EFCAB8: variants seen among roughly 807,000 people sequenced by gnomAD.
The protein encoded by EFCAB8 is EF-hand calcium-binding domain-containing protein 8.
EFCAB8 carries 100 observed loss-of-function variants against 116.3 expected under a neutral mutation model. The ratio of observed to expected loss-of-function variants is 0.86; its 90% CI spans 0.73 to 1.02. The LOEUF (loss-of-function observed/expected upper bound fraction) is 1.02. EFCAB8 is among the 50% of genes least tolerant of loss of function. EFCAB8 has a pLI of 0.00. For missense variants in EFCAB8, 1,320 were observed against 1,416.9 expected (o/e 0.93, Z 1.10); for synonymous variants, 558 against 567.9 (o/e 0.98, Z 0.25).
intron 2 of EFCAB8, 86 bp from the exon 3 acceptor site, chr20:32,867,494 AAG>A: frequency 7.1e-7 from 1 of 1,400,426 alleles, no homozygotes; most frequent in Non-Finnish European, 9.6e-7. Context: ...TTCTTTCTCA[AAG>A]AGTCTCTCTT....
chr20:32,884,255 G>A (rs777631699), intron 5 of EFCAB8, among the ~76,000 whole-genome samples: 11 of 152,274 alleles, frequency 7.2e-5, no homozygotes, highest in Admixed American at 2.0e-4. Context: ...AGCCTGGGCC[G>A]GGTGCACCAA....
chr20:32,947,440 A>G (rs545618741), intron 23 of EFCAB8, among the ~76,000 whole-genome samples: 1 of 152,340 alleles, frequency 6.6e-6, no homozygotes, highest in South Asian at 2.1e-4. Context: ...TAAACCGACC[A>G]TATTCTGGTA....
intron 11 of EFCAB8, among the ~76,000 whole-genome samples, chr20:32,905,825 G>C (rs1329312803): frequency 6.6e-6 from 1 of 151,210 alleles, no homozygotes; most frequent in Non-Finnish European, 1.5e-5. Flanking sequence ...TATGGAATCA[G>C]TGTTCTATGA....
In EFCAB8 at chr20:32,878,804, C is replaced by G. The variant is rs1188466340; in HGVS notation, c.428C>G (p.Pro143Arg). 7 of 1,552,000 alleles carry G rather than the reference C, an allele frequency of 4.5e-6. No individual in the cohort carries two copies. The African/African-American group carries it at 6.8e-5, about 15-fold the overall frequency. ...TTCTACCTTCCCATGACGGTCGTCC[C>G]CCTGTAAGGAGCCTCTTCCTGGGCC... The part of the protein sequence containing the change: ...LHFYLPMTVV[P>R]LNHGCEVVKV... Residue 143 changes from proline (P) to arginine (R), a missense_variant, in exon 5 of 27, where the codon CCC (proline) becomes CGC (arginine). Coordinates refer to ENST00000400522, the MANE Select transcript of EFCAB8 (RefSeq NM_001143967.2).
chr20:32,960,006 G>A (rs1432516893), intron 25 of EFCAB8, 24 bp downstream of exon 25: 7 of 1,551,412 alleles, frequency 4.5e-6, no homozygotes, highest in East Asian at 2.4e-5. Context: ...GGGAGCACAG[G>A]GAGGAGTGCA....
intron 23 of EFCAB8, among the ~76,000 whole-genome samples, chr20:32,952,231 C>T (rs1988820881): frequency 6.6e-6 from 1 of 151,904 alleles, no homozygotes; most frequent in Non-Finnish European, 1.5e-5. Flanking sequence ...AGCCACTGCA[C>T]TACAGCCTGG....
At chr20:32,931,429 C>T (rs1357111738) in intron 22 of EFCAB8, 93 bp downstream of exon 22, 4 of 1,386,572 alleles carry the variant, frequency 2.9e-6, no homozygotes, top group Non-Finnish European at 3.8e-6. Flanking sequence ...AAGAGAAATA[C>T]ACTTACTAAA....
chr20:32,936,740 A>T (rs1285809093), intron 22 of EFCAB8, among the ~76,000 whole-genome samples: 1 of 152,106 alleles, frequency 6.6e-6, no homozygotes, highest in African/African-American at 2.4e-5. Flanking sequence ...GAAATCAGGG[A>T]CTGTGATGTC....
chr20:32,916,610 C>T (rs1239153990), intron 17 of EFCAB8, among the ~76,000 whole-genome samples: 2 of 152,132 alleles, frequency 1.3e-5, no homozygotes, highest in Admixed American at 1.3e-4. Flanking sequence ...TTTTGCCCTT[C>T]TGTCCTAATA....
At chr20:32,888,957 T>G (rs2146206991) in intron 6 of EFCAB8, among the ~76,000 whole-genome samples, 1 of 150,020 alleles carries the variant, frequency 6.7e-6, no homozygotes, top group African/African-American at 2.5e-5. Flanking sequence ...TTGGTTTTTT[T>G]TGTGGGGGGC....
chr20:32,948,282 A>G (rs1042707176), intron 23 of EFCAB8, among the ~76,000 whole-genome samples: 5 of 152,190 alleles, frequency 3.3e-5, no homozygotes, highest in African/African-American at 1.2e-4. Flanking sequence ...TTACACAAGA[A>G]GAAACAGATA....
intron 3 of EFCAB8, among the ~76,000 whole-genome samples, chr20:32,873,727 G>T (rs1984803494): frequency 6.6e-6 from 1 of 150,452 alleles, no homozygotes; most frequent in Non-Finnish European, 1.5e-5. Context: ...GCAGGAAGTA[G>T]CTTGAACCCA....
intron 10 of EFCAB8, among the ~76,000 whole-genome samples, chr20:32,897,969 C>T (rs1451148056): frequency 6.6e-6 from 1 of 152,192 alleles, no homozygotes; most frequent in Non-Finnish European, 1.5e-5. Flanking sequence ...ACAGAGTTGG[C>T]GCCGGAGAAT....
At chr20:32,959,560 G>A (rs946174046) in intron 24 of EFCAB8, among the ~76,000 whole-genome samples, 1 of 152,206 alleles carries the variant, frequency 6.6e-6, no homozygotes, top group African/African-American at 2.4e-5. Flanking sequence ...GGACAGAGTG[G>A]TGGGAGAGTG....
chr20:32,863,151 A>G (rs1310075430), intron 1 of EFCAB8, among the ~76,000 whole-genome samples: 1 of 152,006 alleles, frequency 6.6e-6, no homozygotes, highest in Non-Finnish European at 1.5e-5. Context: ...TCCCCCTGCC[A>G]TCCTAGAGTG....
chr20:32,953,737 G>C (rs1022635081), intron 23 of EFCAB8, among the ~76,000 whole-genome samples: 6 of 152,096 alleles, frequency 3.9e-5, no homozygotes, highest in African/African-American at 1.4e-4. Context: ...TCTTATCAGG[G>C]ATATGATTTT....
chr20:32,901,031 C>T (rs1986402582), intron 11 of EFCAB8, among the ~76,000 whole-genome samples: 1 of 152,238 alleles, frequency 6.6e-6, no homozygotes, highest in Admixed American at 6.5e-5. Flanking sequence ...AAACAGTGCA[C>T]TGTGTACATT....
intron 11 of EFCAB8, among the ~76,000 whole-genome samples, chr20:32,904,051 T>C (rs1986555948): frequency 6.6e-6 from 1 of 152,058 alleles, no homozygotes; most frequent in Non-Finnish European, 1.5e-5. Flanking sequence ...TGTCGTTCTG[T>C]TGCCCAGGCT....
At chr20:32,935,742 G>A (rs148164305) in intron 22 of EFCAB8, among the ~76,000 whole-genome samples, 11,963 of 152,054 alleles carry the variant, frequency 0.079, 613 homozygotes, top group East Asian at 0.14. Context: ...CTGACCTCAG[G>A]TGATCTGCCC....
Sources: allele counts gnomAD v4.1 joint callset (sites outside exome capture counted in the v4.1 genomes callset), GRCh38; gene constraint gnomAD v4.1.1; transcripts MANE v1.5; gene names NCBI Gene and HGNC (gene_info 2026-07-23, HGNC 2026-07-21).